RBFOX1: variants seen among roughly 807,000 people sequenced by gnomAD.
RBFOX1 encodes the protein RNA binding protein fox-1 homolog 1.
RBFOX1 carries 8 observed loss-of-function variants against 57.7 expected under a neutral mutation model. The ratio of observed to expected loss-of-function variants is 0.14; its 90% CI spans 0.08 to 0.25. The LOEUF is 0.25. Ranked by LOEUF, RBFOX1 falls within the 10% of genes least tolerant of loss-of-function variation. The pLI, the probability that RBFOX1 is intolerant of heterozygous loss-of-function variation, is 1.00. For missense variants in RBFOX1, 611 were observed against 548.5 expected, an observed-to-expected ratio of 1.11 and a Z score of -1.14; for synonymous variants, 326 against 222.4, an observed-to-expected ratio of 1.47 and a Z score of -4.15.
intron 8 of RBFOX1, 109 bp from the exon 9 acceptor site, chr16:7,597,262 C>T (rs1018319964): frequency 2.8e-6 from 2 of 717,870 alleles, no homozygotes; most frequent in South Asian, 2.3e-5. Context: ...ATGCATTTTA[C>T]TTTTTAGTTT....
At chr16:5,965,193 G>A (rs963191212) in intron 4 of RBFOX1, among the ~76,000 whole-genome samples, 1 of 152,166 alleles carries the variant, frequency 6.6e-6, no homozygotes, top group Non-Finnish European at 1.5e-5. Context: ...TAAGTTTTCA[G>A]TTATAAGTTG....
rs1567557564 is a variant in RBFOX1, at chr16:6,851,925, G to GT, written c.-16+197275_-16+197276insT. Among the ~76,000 whole-genome samples, 83 of 102,414 alleles carry GT rather than the reference G, an allele frequency of 8.1e-4. No individual in the cohort carries two copies. In the East Asian group the frequency reaches 0.025, roughly 31 times the overall value. The allele number at this position is 102,414 out of a possible 152,430, so 67.2% of individuals were successfully genotyped here. On this transcript the variant is annotated intron_variant, in intron 3 of 15. Coordinates refer to ENST00000550418, the MANE Select transcript of RBFOX1 (RefSeq NM_018723.4). The stretch of plus-strand genomic sequence containing the variant: ...GAGTACGGTGTATTAGTTTCCATTG[G>GT]GTTTTTTTTTTTTTTCTTTTTTTGA...
At chr16:7,592,436 G>A (rs1325130536) in intron 7 of RBFOX1, among the ~76,000 whole-genome samples, 1 of 152,188 alleles carries the variant, frequency 6.6e-6, no homozygotes, top group African/African-American at 2.4e-5. Flanking sequence ...AGGTTCTGGA[G>A]TATAATGTTG....
chr16:5,369,212 G>C (rs1039035683), intron 1 of RBFOX1, among the ~76,000 whole-genome samples: 14 of 152,182 alleles, frequency 9.2e-5, no homozygotes, highest in Non-Finnish European at 1.5e-4. Flanking sequence ...ATGTTGGCCA[G>C]GATGGTCTTG....
chr16:6,688,295 C>T (rs1279599233), intron 3 of RBFOX1, among the ~76,000 whole-genome samples: 1 of 152,086 alleles, frequency 6.6e-6, no homozygotes, highest in African/African-American at 2.4e-5. Context: ...AACTCAGTAT[C>T]ATGAGACAGC....
intron 3 of RBFOX1, among the ~76,000 whole-genome samples, chr16:6,769,445 T>A (rs2077933659): frequency 6.6e-6 from 1 of 152,208 alleles, no homozygotes; most frequent in South Asian, 2.1e-4. Flanking sequence ...ATGAGCTACA[T>A]CTCCACTGCA....
intron 4 of RBFOX1, chr16:7,332,831 C>T: frequency 1.4e-6 from 2 of 1,432,564 alleles, no homozygotes; most frequent in Non-Finnish European, 1.8e-6. Context: ...TTAAGAGTTG[C>T]TGATGCGGAT....
chr16:7,091,113 A>G (rs1216247200), intron 4 of RBFOX1, among the ~76,000 whole-genome samples: 1 of 137,950 alleles, frequency 7.2e-6, no homozygotes, highest in African/African-American at 2.8e-5. Flanking sequence ...GTTTGACTTT[A>G]TAACCTTTTC....
At chr16:6,165,963 G>C (rs2096913968) in intron 1 of RBFOX1, among the ~76,000 whole-genome samples, 2 of 152,166 alleles carry the variant, frequency 1.3e-5, no homozygotes, top group Admixed American at 1.3e-4. Context: ...TGATTTGATG[G>C]GAAAGGGATG....
chr16:5,630,960 C>T (rs1163649842), intron 3 of RBFOX1, among the ~76,000 whole-genome samples: 5 of 152,130 alleles, frequency 3.3e-5, no homozygotes, highest in Non-Finnish European at 5.9e-5. Flanking sequence ...AGAATGGCAA[C>T]ATTTGACATT....
chr16:6,908,403 C>G (rs2070655896), intron 3 of RBFOX1, among the ~76,000 whole-genome samples: 1 of 146,292 alleles, frequency 6.8e-6, no homozygotes, highest in Non-Finnish European at 1.6e-5. Flanking sequence ...CTCTTTCCTC[C>G]CAGGAACCTT....
chr16:7,173,613 A>C (rs1430704486), intron 4 of RBFOX1, among the ~76,000 whole-genome samples: 8 of 152,198 alleles, frequency 5.3e-5, no homozygotes, highest in African/African-American at 1.4e-4. Context: ...CAATATTCAG[A>C]AACACCAGGG....
chr16:5,924,279 A>G (rs529442630), intron 4 of RBFOX1, among the ~76,000 whole-genome samples: 33 of 152,266 alleles, frequency 2.2e-4, no homozygotes, highest in Non-Finnish European at 2.5e-4. Flanking sequence ...CAGAGTAAGA[A>G]TGGACTAATA....
chr16:6,240,896 T>C (rs764952723), intron 1 of RBFOX1, among the ~76,000 whole-genome samples: 16 of 152,224 alleles, frequency 1.1e-4, no homozygotes, highest in Non-Finnish European at 2.2e-4. Context: ...GAAGTTCCCA[T>C]TGACCTCTCC....
intron 1 of RBFOX1, among the ~76,000 whole-genome samples, chr16:6,217,865 A>T (rs978151404): frequency 3.3e-5 from 5 of 152,130 alleles, no homozygotes; most frequent in East Asian, 1.9e-4. Flanking sequence ...AACTACAAAC[A>T]TTAGCCTGGT....
In RBFOX1 at chr16:6,499,376, TA is replaced by T. The variant is rs202069512; in HGVS notation, c.-63-155217del. On this transcript the variant is annotated intron_variant, in intron 2 of 15. Transcript: ENST00000550418. ...TATAGACACCACAAACAGCCATGTG[TA>T]AAAAAAAAAGGTATGAAAAATCTTA... Among the ~76,000 whole-genome samples the T allele has an allele frequency of 9.4e-3, 1,388 of 148,170 alleles. 27 individuals are homozygous for T. Among genetic ancestry groups the T allele is most frequent in the Admixed American group, 0.039 (585 of 14,870 alleles).
At chr16:5,409,886 A>G (rs182685542) in intron 1 of RBFOX1, among the ~76,000 whole-genome samples, 1 of 152,078 alleles carries the variant, frequency 6.6e-6, no homozygotes, top group East Asian at 1.9e-4. Context: ...CGTCTCTACT[A>G]AAAATAGAAA....
intron 4 of RBFOX1, among the ~76,000 whole-genome samples, chr16:5,993,705 A>G (rs1239797902): frequency 6.6e-6 from 1 of 152,162 alleles, no homozygotes; most frequent in South Asian, 2.1e-4. Flanking sequence ...GCATTAATTA[A>G]TATCATTTGA....
chr16:6,975,041 G>A (rs1042904855), intron 3 of RBFOX1, among the ~76,000 whole-genome samples: 2 of 152,028 alleles, frequency 1.3e-5, no homozygotes, highest in African/African-American at 4.8e-5. Context: ...TTTTTCTTTT[G>A]ATCCAATTGT....
Sources: gnomAD v4.1 joint callset for allele counts (sites outside exome capture counted in the v4.1 genomes callset) on GRCh38, gnomAD v4.1.1 for gene constraint, MANE v1.5 for transcripts, NCBI Gene and HGNC (gene_info 2026-07-23, HGNC 2026-07-21) for gene names.